The following CDK9 variants were observed in gnomAD, a reference collection of about 807,000 sequenced individuals.
CDK9 encodes cyclin-dependent kinase 9.
Under a neutral mutation model 39.0 loss-of-function variants are expected in CDK9, and 34 were observed. The observed-to-expected ratio is 0.87, with a 90% CI of 0.66 to 1.16. The LOEUF (loss-of-function observed/expected upper bound fraction) is 1.16. Ranked by LOEUF, CDK9 falls within the 50% of genes most tolerant of loss-of-function variation. CDK9 has a pLI of 0.00. For missense variants in CDK9, 369 were observed against 503.2 expected, an observed-to-expected ratio of 0.73 and a Z score of 2.55; for synonymous variants, 233 against 196.2, an observed-to-expected ratio of 1.19 and a Z score of -1.57.
rs963244468 is a variant in CDK9 at position 127,789,099 on chromosome 9, C to G, written c.754-79C>G. 4 of 1,490,822 alleles carry G rather than the reference C, an allele frequency of 2.7e-6. No homozygotes were observed. The highest frequency in any genetic ancestry group is 2.8e-5 in the African/African-American group (2 of 71,178). The allele number at this position is 1,490,822 out of a possible 1,614,324, so 92.3% of individuals were successfully genotyped here. A position where few individuals can be genotyped will look rare whatever the true frequency, so the allele number is the denominator to read the frequency against. On this transcript the variant is annotated intron_variant, in intron 6 of 6. Transcript: ENST00000373264. The surrounding 1 kb of genome is among the most constrained non-coding windows in gnomAD (Gnocchi z 5.2). ...TCCGAGTGGAGCAGGTATTTTAGTC[C>G]TTTTAGGCCTTTATGAAGGGATAAG... is the stretch of plus-strand genomic sequence containing the variant.
In CDK9 at chr9:127,787,697, T is replaced by C. The variant is rs975393280; in HGVS notation, c.265+89T>C. Reference sequence around the variant, plus strand: ...GAACTAGGCACACCTAAACTGCCTCTTCTTAACTCAGATGGACCCATGGTG... The same window carrying C: ...GAACTAGGCACACCTAAACTGCCTCCTCTTAACTCAGATGGACCCATGGTG... On this transcript the variant is annotated intron_variant, in intron 3 of 6. Coordinates refer to ENST00000373264, the MANE Select transcript of CDK9 (RefSeq NM_001261.4). The C allele has an allele frequency of 2.2e-5, 23 of 1,033,922 alleles. No homozygotes were observed. The East Asian group carries it at 4.1e-4, about 18-fold the overall frequency. 64.0% of individuals were successfully genotyped at this position (1,033,922 alleles called of 1,614,324 possible). A position where few individuals can be genotyped will look rare whatever the true frequency, so the allele number is the denominator to read the frequency against.
intron 2 of CDK9, 138 bp downstream of exon 2, chr9:127,786,920 GC>G: frequency 1.5e-6 from 1 of 677,154 alleles, no homozygotes; most frequent in Non-Finnish European, 2.5e-6. Context: ...AGGGAATGTG[GC>G]TTCCACCCTA....
In CDK9 at chr9:127,789,285, C is replaced by G. The variant is rs370044826; in HGVS notation, c.861C>G (p.Tyr287Ter). ...DRLKAYVRDP[Y>*]ALDLIDKLLV... The stretch of plus-strand genomic sequence containing the variant: ...TGAAGGCCTATGTGCGTGACCCATA[C>G]GCACTGGACCTCATCGACAAGCTGC... The change falls in exon 7 of 7, where the codon TAC becomes TAG. Residue 287 changes from tyrosine to a stop codon, truncating the protein, a stop_gained. Coordinates refer to ENST00000373264, the MANE Select transcript of CDK9 (RefSeq NM_001261.4). LOFTEE classifies it high-confidence loss of function. This position sits in a 1 kb window ranked among gnomAD's most constrained non-coding sequence, Gnocchi z 5.2. The G allele has an allele frequency of 6.2e-7, 1 of 1,613,824 alleles. No homozygotes were observed. Among genetic ancestry groups the G allele is most frequent in the South Asian group, 1.1e-5 (1 of 91,088 alleles).
chr9:127,788,715 G>T, intron 6 of CDK9, 23 bp downstream of exon 6: 1 of 1,567,968 alleles, frequency 6.4e-7, no homozygotes, highest in African/African-American at 1.4e-5. Flanking sequence ...GGTCCCCACG[G>T]GGTGCAGAGA....
intron 6 of CDK9, 90 bp downstream of exon 6, chr9:127,788,782 T>C: frequency 1.5e-6 from 2 of 1,329,518 alleles, no homozygotes; most frequent in East Asian, 2.5e-5. Context: ...CGCTCCTCTC[T>C]GGAAGGGAGG....
chr9:127,788,486 T>G (rs1829370608), intron 5 of CDK9, 58 bp from the exon 6 acceptor site: 2 of 1,532,190 alleles, frequency 1.3e-6, no homozygotes, highest in Non-Finnish European at 1.8e-6. Context: ...CCCTGGGGCA[T>G]TGAGCCTCAG....
rs778916606 is a variant in CDK9, at chr9:127,789,502, C to G, written c.1078C>G (p.Pro360Ala). 2.5e-6 allele frequency: 4 copies of G among 1,614,156 alleles called. No individual in the cohort carries two copies. Among genetic ancestry groups the G allele is most frequent in the African/African-American group, 1.3e-5 (1 of 75,062 alleles). Residue 360 changes from proline (P) to alanine (A), a missense_variant, in exon 7 of 7, where the codon CCC (proline) becomes GCC (alanine). Pro to Ala is a conservative substitution (Grantham distance 27). Coordinates refer to ENST00000373264, the MANE Select transcript of CDK9 (RefSeq NM_001261.4). The surrounding 1 kb of genome is among the most constrained non-coding windows in gnomAD (Gnocchi z 5.2). ...TQQSTNQSRNPATTNQTEFER... is the reference protein window; with the variant it reads ...TQQSTNQSRNAATTNQTEFER... ...GCAGTCCACCAACCAGAGTCGCAAT[C>G]CCGCCACCACCAACCAGACGGAGTT...
At chr9:127,786,392 T>G (rs1437874801) in intron 1 of CDK9, 152 bp downstream of exon 1, 2 of 743,350 alleles carry the variant, frequency 2.7e-6, no homozygotes, top group Non-Finnish European at 4.5e-6. Context: ...CGCCCCGGCC[T>G]GACGGAGCCG....
rs1829316772 is a variant in CDK9, at chr9:127,786,318, C to CT, written c.92+78_92+79insT. ...GACGTCGGGATGCCCGGGCCCCCCC[C>CT]GAGTTGGTAGAGAAGTCGTCTGTCC... On this transcript the variant is annotated intron_variant, in intron 1 of 6. Transcript: ENST00000373264. The CT allele has an allele frequency of 2.5e-6, 3 of 1,199,864 alleles. No homozygotes were observed. In the East Asian group the frequency reaches 7.5e-5, roughly 30 times the overall value. The allele number at this position is 1,199,864 out of a possible 1,614,324, so 74.3% of individuals were successfully genotyped here.
chr9:127,787,570 A>G lies in CDK9; in HGVS notation c.227A>G (p.Glu76Gly). The change falls in exon 3 of 7, where the codon GAG becomes GGG. Residue 76 changes from glutamate to glycine, a missense_variant. Transcript: ENST00000373264. ...AAGATCCTTCAGCTTCTAAAACACG[A>G]GAATGTGGTCAACTTGATTGAGATT... ...EIKILQLLKH[E>G]NVVNLIEICR... The G allele has an allele frequency of 6.2e-7, 1 of 1,613,758 alleles. No homozygotes were observed. Among genetic ancestry groups the G allele is most frequent in the South Asian group, 1.1e-5 (1 of 91,080 alleles).
intron 4 of CDK9, 36 bp from the exon 5 acceptor site, chr9:127,788,178 A>T (rs749940295): frequency 6.2e-7 from 1 of 1,613,356 alleles, no homozygotes; most frequent in African/African-American, 1.3e-5. Flanking sequence ...TCCCGGGTGG[A>T]TGTCACTAAA....
At chr9:127,786,604 G>C (rs1044636695) in intron 1 of CDK9, 97 bp from the exon 2 acceptor site, 2 of 1,115,980 alleles carry the variant, frequency 1.8e-6, no homozygotes, top group Non-Finnish European at 2.6e-6. Context: ...CCCCGCCCGG[G>C]AATCTCTTTG....
chr9:127,789,336 C>G lies in CDK9; in HGVS notation c.912C>G (p.Ile304Met), dbSNP rs139856271. 135 of 1,613,838 alleles carry G rather than the reference C, an allele frequency of 8.4e-5. No individual in the cohort carries two copies. The highest frequency in any genetic ancestry group is 1.6e-4 in the East Asian group (7 of 44,896). ...TGGTGCTGGACCCTGCCCAGCGCAT[C>G]GACAGCGATGACGCCCTCAACCACG... ...KLLVLDPAQRIDSDDALNHDF... is the reference protein window; with the variant it reads ...KLLVLDPAQRMDSDDALNHDF... The change falls in exon 7 of 7, where the codon ATC becomes ATG. Residue 304 changes from isoleucine to methionine, a missense_variant. Coordinates refer to ENST00000373264, the MANE Select transcript of CDK9 (RefSeq NM_001261.4). The surrounding 1 kb of genome is among the most constrained non-coding windows in gnomAD (Gnocchi z 5.2).
chr9:127,789,627 A>G lies in CDK9; in HGVS notation c.*84A>G. The G allele has an allele frequency of 4.0e-6, 6 of 1,500,592 alleles. No individual in the cohort carries two copies. Among genetic ancestry groups the G allele is most frequent in the Non-Finnish European group, 5.4e-6 (6 of 1,114,072 alleles). The allele number at this position is 1,500,592 out of a possible 1,614,324, so 93.0% of individuals were successfully genotyped here. A position where few individuals can be genotyped will look rare whatever the true frequency, so the allele number is the denominator to read the frequency against. ...TCGTGGAGACAGGGCATTTGAGTTTATATCTCTCATGCATATTTTATTTAA... is the reference window on the plus strand; with the variant it reads ...TCGTGGAGACAGGGCATTTGAGTTTGTATCTCTCATGCATATTTTATTTAA... On this transcript the variant is annotated 3_prime_UTR_variant, in exon 7 of 7. Transcript: ENST00000373264. This position sits in a 1 kb window ranked among gnomAD's most constrained non-coding sequence, Gnocchi z 5.2.
rs746864836 is a variant in CDK9, at chr9:127,786,168, C to T, written c.20C>T (p.Ser7Leu). Residue 7 changes from serine (S) to leucine (L), a missense_variant, in exon 1 of 7, where the codon TCG (serine) becomes TTG (leucine). Transcript: ENST00000373264. MAKQYD[S>L]VECPFCDEVS... ...GCGGCCATGGCAAAGCAGTACGACTCGGTGGAGTGCCCTTTTTGTGATGAA... is the reference window on the plus strand; with the variant it reads ...GCGGCCATGGCAAAGCAGTACGACTTGGTGGAGTGCCCTTTTTGTGATGAA... 24 of 1,608,702 alleles carry T rather than the reference C, an allele frequency of 1.5e-5. No individual in the cohort carries two copies. In the East Asian group the frequency reaches 3.8e-4, roughly 26 times the overall value.
rs763581624 is a variant in CDK9 at position 127,789,464 on chromosome 9, G to A, written c.1040G>A (p.Ser347Asn). Residue 347 changes from serine to asparagine, a missense_variant, in exon 7 of 7, where the codon AGC (serine) becomes AAC (asparagine). By Grantham distance (46) the Ser-to-Asn change is conservative (BLOSUM62 1). Coordinates refer to ENST00000373264, the MANE Select transcript of CDK9 (RefSeq NM_001261.4). The surrounding 1 kb of genome is among the most constrained non-coding windows in gnomAD (Gnocchi z 5.2). ...EYLAPPRRKG[S>N]QITQQSTNQS... ...TTGGCACCACCGCGCCGGAAGGGCA[G>A]CCAGATCACCCAGCAGTCCACCAAC... 1 of 1,614,138 alleles carries A rather than the reference G, an allele frequency of 6.2e-7. No homozygotes were observed. Among genetic ancestry groups the A allele is most frequent in the Non-Finnish European group, 8.5e-7 (1 of 1,180,042 alleles).
Position 127,790,499 on chromosome 9 carries a change from A to G in CDK9, c.*956A>G, listed in dbSNP as rs1410077058. 6.6e-6 allele frequency: 1 copy of G among 152,460 alleles called. No homozygotes were observed. The highest frequency in any genetic ancestry group is 1.5e-5 in the Non-Finnish European group (1 of 68,116). 9.4% of individuals were successfully genotyped at this position (152,460 alleles called of 1,614,324 possible). A position where few individuals can be genotyped will look rare whatever the true frequency, so the allele number is the denominator to read the frequency against. The stretch of plus-strand genomic sequence containing the variant: ...GGTGAAGGGATCACAGGGGTCTTGG[A>G]AGGTGGCAGTAGTTTGGACGGGGGT... On this transcript the variant is annotated 3_prime_UTR_variant, in exon 7 of 7. Coordinates refer to ENST00000373264, the MANE Select transcript of CDK9 (RefSeq NM_001261.4).
rs749950582 is a variant in CDK9 at position 127,786,076 on chromosome 9, GGCGGCGGCGGGACCCGGAGCAGGA to G, written c.-64_-41del. ...GCGGCCGCGGAGGGGCCTGGAGTGCGGCGGCGGCGGGACCCGGAGCAGGAGCGGCGGCAGCAGCGACTGGGGGCG... is the reference window on the plus strand; with the variant it reads ...GCGGCCGCGGAGGGGCCTGGAGTGCGGCGGCGGCAGCAGCGACTGGGGGCG... On this transcript the variant is annotated 5_prime_UTR_variant, in exon 1 of 7. Coordinates refer to ENST00000373264, the MANE Select transcript of CDK9 (RefSeq NM_001261.4). 360 of 1,070,350 alleles carry G rather than the reference GGCGGCGGCGGGACCCGGAGCAGGA, an allele frequency of 3.4e-4. 1 individual carries two copies. The highest frequency in any genetic ancestry group is 4.3e-4 in the Non-Finnish European group (323 of 751,964). 66.3% of individuals were successfully genotyped at this position (1,070,350 alleles called of 1,614,324 possible).
intron 2 of CDK9, among the ~76,000 whole-genome samples, chr9:127,786,993 C>T (rs895846436): frequency 2.6e-5 from 4 of 152,230 alleles, no homozygotes; most frequent in Admixed American, 6.5e-5. Flanking sequence ...TTGATGCATG[C>T]ATCGTGTGCA....
Sources: allele counts gnomAD v4.1 joint callset (sites outside exome capture counted in the v4.1 genomes callset), GRCh38; gene constraint gnomAD v4.1.1; non-coding constraint Gnocchi (gnomAD v3.1); transcripts MANE v1.5; gene names NCBI Gene and HGNC (gene_info 2026-07-23, HGNC 2026-07-21).